The following KHDRBS2 variants were observed in gnomAD, a reference collection of about 807,000 sequenced individuals.
KHDRBS2 encodes the protein KH domain-containing, RNA-binding, signal transduction-associated protein 2.
KHDRBS2 carries 26 observed loss-of-function variants against 44.3 expected under a neutral mutation model. The ratio of observed to expected loss-of-function variants is 0.59; its 90% CI spans 0.43 to 0.81. The LOEUF is 0.81. KHDRBS2 is among the 40% of genes least tolerant of loss of function. The pLI is 0.00. For missense variants in KHDRBS2, 476 were observed against 433.1 expected (o/e 1.10, Z -0.88); for synonymous variants, 194 against 151.1 (o/e 1.28, Z -2.08).
chr6:62,156,960 C>A (rs1816572806), intron 2 of KHDRBS2, among the ~76,000 whole-genome samples: 1 of 150,486 alleles, frequency 6.6e-6, no homozygotes, highest in South Asian at 2.1e-4. Context: ...GCTGGGATTA[C>A]AGGCGTGAGC....
At chr6:62,139,073 G>A (rs1243330162) in intron 2 of KHDRBS2, among the ~76,000 whole-genome samples, 1 of 151,152 alleles carries the variant, frequency 6.6e-6, no homozygotes, top group Admixed American at 6.6e-5. Flanking sequence ...TTTTTTAGAT[G>A]GAAAACAATT....
At chr6:61,590,165 G>A in the KHDRBS2 span, among the ~76,000 whole-genome samples, 2 of 152,132 alleles carry the variant, frequency 1.3e-5, no homozygotes, top group Non-Finnish European at 2.9e-5. Flanking sequence ...TGCTCAACAG[G>A]CCTCGGGGAC....
At chr6:62,018,041 T>C (rs1426590305) in intron 3 of KHDRBS2, among the ~76,000 whole-genome samples, 1 of 151,698 alleles carries the variant, frequency 6.6e-6, no homozygotes, top group Non-Finnish European at 1.5e-5. Context: ...GTATTAGTAG[T>C]ATAAATAAGT....
chr6:62,194,280 C>T (rs1334792396), intron 1 of KHDRBS2, among the ~76,000 whole-genome samples: 2 of 151,466 alleles, frequency 1.3e-5, no homozygotes, highest in South Asian at 2.1e-4. Context: ...ATTTTTTTTG[C>T]ATTTGGATAA....
chr6:61,573,507 A>C, the KHDRBS2 span, among the ~76,000 whole-genome samples: 2 of 152,126 alleles, frequency 1.3e-5, no homozygotes, highest in African/African-American at 4.8e-5. Context: ...TAAAAGAGCC[A>C]AGCTGGGCAT....
At position 62,059,365 on chromosome 6, in the gene KHDRBS2, A is replaced by G. The variant is rs1791157384; in HGVS notation, c.220-11371T>C. Among the ~76,000 whole-genome samples, 5 of 151,400 alleles carry G rather than the reference A, an allele frequency of 3.3e-5. No individual in the cohort carries two copies. In the Admixed American group the frequency reaches 3.3e-4, roughly 10 times the overall value. ...GGAGCAGGAAAAAGCTAAACATGGC[A>G]GAGCCCATGAGAAGTTGTTTGGTGT... On this transcript the variant is annotated intron_variant, in intron 2 of 8. Coordinates refer to ENST00000281156, the MANE Select transcript of KHDRBS2 (RefSeq NM_152688.4).
rs1160490135 is a variant in KHDRBS2 at position 61,732,729 on chromosome 6, G to C, written c.846C>G (p.Asp282Glu). 6.2e-7 allele frequency: 1 copy of C among 1,611,502 alleles called. No homozygotes were observed. The highest frequency in any genetic ancestry group is 8.5e-7 in the Non-Finnish European group (1 of 1,177,914). ...YDDGYGGEYD[D>E]QTYETYDNSY... is the part of the protein sequence containing the mutation. ...TGTTATCATAAGTCTCATAGGTCTG[G>C]TCATCATATTCACCCCCGTAGCCAT... The change falls in exon 7 of 9, where the codon GAC becomes GAG. Residue 282 changes from aspartate to glutamate, a missense_variant. By Grantham distance (45) the Asp-to-Glu change is conservative. Coordinates refer to ENST00000281156, the MANE Select transcript of KHDRBS2 (RefSeq NM_152688.4).
the KHDRBS2 span, among the ~76,000 whole-genome samples, chr6:61,581,766 T>C: frequency 6.6e-6 from 1 of 151,306 alleles, no homozygotes; most frequent in Admixed American, 6.6e-5. Flanking sequence ...GGATATATAG[T>C]ATTAAAATGG....
At chr6:62,223,416 G>A (rs1349734393) in intron 1 of KHDRBS2, among the ~76,000 whole-genome samples, 1 of 152,210 alleles carries the variant, frequency 6.6e-6, no homozygotes, top group African/African-American at 2.4e-5. Flanking sequence ...AGGCCTCTGG[G>A]CCTGTGATGG....
rs138652110 is a variant in KHDRBS2, at chr6:61,750,340, CAA to C, written c.811-17578_811-17577del. On this transcript the variant is annotated intron_variant, in intron 6 of 8. Transcript: ENST00000281156. ...CAGAATAATTGTGATCGTGCTTATACAAAGACTGGTAAAGTGGGAAACAAGAG... is the reference window on the plus strand; with the variant it reads ...CAGAATAATTGTGATCGTGCTTATACAGACTGGTAAAGTGGGAAACAAGAG... 7.3e-4 allele frequency among the ~76,000 whole-genome samples: 111 copies of C among 152,244 alleles called. 3 individuals carry two copies. In the East Asian group the frequency reaches 0.017, roughly 24 times the overall value.
intron 2 of KHDRBS2, among the ~76,000 whole-genome samples, chr6:62,077,369 T>C (rs1796549282): frequency 6.6e-6 from 1 of 152,048 alleles, no homozygotes; most frequent in African/African-American, 2.4e-5. Context: ...TCAGCCTTGT[T>C]GTACAGCTAA....
At chr6:62,183,114 A>G (rs1280084672) in intron 1 of KHDRBS2, among the ~76,000 whole-genome samples, 1 of 151,816 alleles carries the variant, frequency 6.6e-6, no homozygotes, top group African/African-American at 2.4e-5. Flanking sequence ...TAGCTATAAA[A>G]TTAACATATT....
At chr6:62,194,609 C>T (rs1825293732) in intron 1 of KHDRBS2, among the ~76,000 whole-genome samples, 1 of 147,388 alleles carries the variant, frequency 6.8e-6, no homozygotes, top group Admixed American at 6.9e-5. Context: ...AAGGGATCCT[C>T]CTGCCTCAGG....
intron 2 of KHDRBS2, among the ~76,000 whole-genome samples, chr6:62,127,216 GTA>G (rs1809175814): frequency 6.6e-6 from 1 of 152,098 alleles, no homozygotes; most frequent in African/African-American, 2.4e-5. Flanking sequence ...TAATTGTCAT[GTA>G]TATATTGAAA....
chr6:62,036,499 G>A (rs1319302829), intron 3 of KHDRBS2, among the ~76,000 whole-genome samples: 6 of 151,776 alleles, frequency 4.0e-5, no homozygotes, highest in East Asian at 3.9e-4. Flanking sequence ...TAACACACAC[G>A]ATTTACCCAT....
At chr6:61,716,419 T>A (rs186452212) in intron 7 of KHDRBS2, among the ~76,000 whole-genome samples, 1 of 152,090 alleles carries the variant, frequency 6.6e-6, no homozygotes, top group East Asian at 1.9e-4. Flanking sequence ...TATAAAAAAA[T>A]TCCTGAGCAT....
chr6:62,281,149 A>G (rs1374555679), intron 1 of KHDRBS2, among the ~76,000 whole-genome samples: 1 of 142,582 alleles, frequency 7.0e-6, no homozygotes, highest in East Asian at 2.0e-4. Flanking sequence ...TGATATTTTT[A>G]AAACCCTCAA....
chr6:61,847,429 C>T (rs1794576672), intron 6 of KHDRBS2, among the ~76,000 whole-genome samples: 1 of 152,046 alleles, frequency 6.6e-6, no homozygotes, highest in Admixed American at 6.6e-5. Flanking sequence ...GCAGAACTGC[C>T]TTGTCATAAA....
At chr6:62,277,241 T>C (rs1483955167) in intron 1 of KHDRBS2, among the ~76,000 whole-genome samples, 1 of 152,090 alleles carries the variant, frequency 6.6e-6, no homozygotes, top group Non-Finnish European at 1.5e-5. Context: ...TGTAGTTGAA[T>C]CCCCTATAGA....
Sources: allele counts gnomAD v4.1 joint callset (sites outside exome capture counted in the v4.1 genomes callset), GRCh38; gene constraint gnomAD v4.1.1; transcripts MANE v1.5; gene names NCBI Gene and HGNC (gene_info 2026-07-23, HGNC 2026-07-21).